The following NTRK3 variants were observed in gnomAD, a reference collection of about 807,000 sequenced individuals.
NTRK3 encodes NT-3 growth factor receptor.
NTRK3 carries 24 observed loss-of-function variants against 91.7 expected under a neutral mutation model. The observed-to-expected ratio is 0.26, with a 90% CI of 0.19 to 0.37. The LOEUF is 0.37. Among genes scored for constraint, NTRK3 ranks in the 10% least tolerant of loss-of-function variants. NTRK3 has a pLI of 1.00. For missense variants in NTRK3, 880 were observed against 1,068.9 expected (o/e 0.82, Z 2.46); for synonymous variants, 483 against 404.0 (o/e 1.20, Z -2.34).
intron 13 of NTRK3, among the ~76,000 whole-genome samples, chr15:88,059,244 A>G (rs899152427): frequency 6.6e-6 from 1 of 152,222 alleles, no homozygotes; most frequent in Non-Finnish European, 1.5e-5. Flanking sequence ...AGAGCTATCC[A>G]TTTAAATGGA....
At chr15:88,126,638 G>T (rs1054263435) in intron 12 of NTRK3, among the ~76,000 whole-genome samples, 1 of 152,316 alleles carries the variant, frequency 6.6e-6, no homozygotes, top group East Asian at 1.9e-4. Flanking sequence ...CATTCTAACA[G>T]ATGCAAAAAC....
At chr15:88,129,669 T>C (rs2053619812) in intron 10 of NTRK3, among the ~76,000 whole-genome samples, 1 of 152,128 alleles carries the variant, frequency 6.6e-6, no homozygotes, top group South Asian at 2.1e-4. Flanking sequence ...CTTGTAATAC[T>C]AAAAAGTAAG....
intron 17 of NTRK3, among the ~76,000 whole-genome samples, chr15:87,899,644 A>G (rs933839743): frequency 6.6e-6 from 1 of 152,210 alleles, no homozygotes; most frequent in Non-Finnish European, 1.5e-5. Context: ...GAGCCCAAAA[A>G]GGGGGACCAG....
At chr15:88,135,903 G>A (rs747146453) in exon 9 of NTRK3, 1 of 1,614,124 alleles carries the variant, frequency 6.2e-7, no homozygotes, top group Non-Finnish European at 8.5e-7. Context: ...ACTTACAGTA[G>A]ACAGTGAGGG....
At position 88,032,568 on chromosome 15, in the gene NTRK3, C is replaced by T. The variant is rs149534196; in HGVS notation, c.1585+289G>A. Among the ~76,000 whole-genome samples the T allele has an allele frequency of 6.6e-4, 100 of 152,220 alleles. 1 individual carries two copies. The highest frequency in any genetic ancestry group is 2.2e-3 in the African/African-American group (91 of 41,530). ...AGGTCTAGAGAGAAGAACAGCCTCTCTGTGTCTCCTGCCTTATTGGGAGCA... is the reference window on the plus strand; with the variant it reads ...AGGTCTAGAGAGAAGAACAGCCTCTTTGTGTCTCCTGCCTTATTGGGAGCA... On this transcript the variant is annotated intron_variant, in intron 14 of 18. Coordinates refer to ENST00000394480, the Ensembl canonical transcript of NTRK3.
chr15:88,033,170 GGT>G lies in NTRK3; in HGVS notation c.1397-127_1397-126del, dbSNP rs1388892654. The stretch of plus-strand genomic sequence containing the variant: ...CATTTTCTTTTTTTTACTTTTGGGG[GGT>G]GTGTTATATATATATATATATATAT... On this transcript the variant is annotated intron_variant, in intron 13 of 18. Coordinates refer to ENST00000394480, the Ensembl canonical transcript of NTRK3. 30 of 341,614 alleles carry G rather than the reference GGT, an allele frequency of 8.8e-5. No individual in the cohort carries two copies. The African/African-American group carries it at 1.6e-3, about 18-fold the overall frequency. 21.2% of individuals were successfully genotyped at this position (341,614 alleles called of 1,614,324 possible).
intron 13 of NTRK3, among the ~76,000 whole-genome samples, chr15:88,037,562 AAAAGAAAG>A (rs909549567): frequency 6.6e-6 from 1 of 151,400 alleles, no homozygotes; most frequent in Non-Finnish European, 1.5e-5. Context: ...ACTCCCTCTC[AAAAGAAAG>A]AAAGAAAGAA....
intron 13 of NTRK3, among the ~76,000 whole-genome samples, chr15:88,037,594 G>A (rs776622691): frequency 2.0e-5 from 3 of 152,078 alleles, no homozygotes; most frequent in Admixed American, 6.6e-5. Context: ...ATTCAAAGAA[G>A]GAGAGTGTCT....
chr15:88,151,168 T>C (rs375507820), intron 5 of NTRK3, among the ~76,000 whole-genome samples: 2 of 152,140 alleles, frequency 1.3e-5, no homozygotes, highest in Non-Finnish European at 2.9e-5. Flanking sequence ...TTTTACGAGA[T>C]GATGCATCAA....
chr15:88,123,766 T>C (rs551032025), intron 13 of NTRK3, among the ~76,000 whole-genome samples: 5 of 152,340 alleles, frequency 3.3e-5, no homozygotes, highest in African/African-American at 4.8e-5. Context: ...ATTTTCTGAT[T>C]GGCAATTGGT....
intron 13 of NTRK3, among the ~76,000 whole-genome samples, chr15:88,047,880 G>T (rs2080385437): frequency 6.6e-6 from 1 of 152,184 alleles, no homozygotes; most frequent in South Asian, 2.1e-4. Flanking sequence ...GGAAGGTGGA[G>T]AAAAGATAGT....
intron 17 of NTRK3, among the ~76,000 whole-genome samples, chr15:87,904,402 C>T (rs916799476): frequency 1.8e-4 from 27 of 151,852 alleles, no homozygotes; most frequent in East Asian, 1.8e-3. Flanking sequence ...ATGATCCATC[C>T]GCCTCGGCCT....
intron 13 of NTRK3, among the ~76,000 whole-genome samples, chr15:88,092,295 A>G (rs1053839212): frequency 6.6e-6 from 1 of 152,182 alleles, no homozygotes; most frequent in Non-Finnish European, 1.5e-5. Flanking sequence ...TCCTTAACTT[A>G]TATCATCATC....
intron 17 of NTRK3, among the ~76,000 whole-genome samples, chr15:87,907,525 A>T (rs2066845100): frequency 1.3e-5 from 2 of 152,164 alleles, no homozygotes; most frequent in African/African-American, 4.8e-5. Context: ...CTGCAGTATC[A>T]GGATAATACT....
chr15:88,124,429 A>G (rs532612941), intron 13 of NTRK3, among the ~76,000 whole-genome samples: 1 of 152,298 alleles, frequency 6.6e-6, no homozygotes, highest in Non-Finnish European at 1.5e-5. Context: ...ATGACAATTA[A>G]TAGGAAAAAT....
chr15:88,191,166 G>A (rs1439171891), intron 3 of NTRK3, among the ~76,000 whole-genome samples: 32 of 7,004 alleles, frequency 4.6e-3, no homozygotes, highest in Admixed American at 0.024. Context: ...TGTTTCCCGT[G>A]TGTGTGTGTG....
chr15:87,888,699 G>A (rs762211554), intron 17 of NTRK3, among the ~76,000 whole-genome samples: 2 of 152,086 alleles, frequency 1.3e-5, no homozygotes, highest in African/African-American at 2.4e-5. Flanking sequence ...ACTTTCAGTT[G>A]AACAACATTT....
intron 13 of NTRK3, among the ~76,000 whole-genome samples, chr15:88,045,542 T>C (rs2080094647): frequency 6.6e-6 from 1 of 152,176 alleles, no homozygotes. Context: ...AGGCATTGCC[T>C]CTCCAAAGCT....
At chr15:87,975,163 C>G (rs151247746) in intron 14 of NTRK3, among the ~76,000 whole-genome samples, 3 of 152,280 alleles carry the variant, frequency 2.0e-5, no homozygotes, top group East Asian at 1.9e-4. Flanking sequence ...TAAACCCATT[C>G]TTGGGAGGTT....
Sources: allele counts gnomAD v4.1 joint callset (sites outside exome capture counted in the v4.1 genomes callset), GRCh38; gene constraint gnomAD v4.1.1; transcripts MANE v1.5; gene names NCBI Gene and HGNC (gene_info 2026-07-23, HGNC 2026-07-21).